The following CDH18 variants were observed in gnomAD, a reference collection of about 807,000 sequenced individuals.
CDH18 encodes cadherin-18.
In CDH18, 31 loss-of-function variants were observed where a neutral mutation model predicts 67.9. The ratio of observed to expected loss-of-function variants is 0.46; its 90% CI spans 0.34 to 0.62. The LOEUF (loss-of-function observed/expected upper bound fraction) is 0.62. CDH18 is among the 20% of genes least tolerant of loss of function. The pLI is 0.01. For synonymous variants in CDH18, 362 were observed against 347.2 expected, an observed-to-expected ratio of 1.04 and a Z score of -0.48; for missense variants, 890 against 975.5, an observed-to-expected ratio of 0.91 and a Z score of 1.17.
chr5:19,917,558 G>A (rs114293956), intron 2 of CDH18, among the ~76,000 whole-genome samples: 2 of 152,148 alleles, frequency 1.3e-5, no homozygotes, highest in South Asian at 4.2e-4. Context: ...CCTGAGATGT[G>A]GAAAGCATTG....
At chr5:20,023,200 A>C (rs2150436941) in intron 2 of CDH18, among the ~76,000 whole-genome samples, 1 of 152,290 alleles carries the variant, frequency 6.6e-6, no homozygotes, top group Non-Finnish European at 1.5e-5. Flanking sequence ...TTCAAGTCAT[A>C]TCTCTGTTTC....
intron 2 of CDH18, among the ~76,000 whole-genome samples, chr5:19,932,995 G>A (rs1429849598): frequency 1.3e-5 from 2 of 151,500 alleles, no homozygotes; most frequent in Non-Finnish European, 3.0e-5. Flanking sequence ...ATTACATACA[G>A]TAATAGGTAA....
At chr5:20,446,652 A>G (rs937470560) in intron 1 of CDH18, among the ~76,000 whole-genome samples, 4 of 152,230 alleles carry the variant, frequency 2.6e-5, no homozygotes, top group Non-Finnish European at 5.9e-5. Flanking sequence ...TAGAAAATAC[A>G]CTAATTCAAA....
chr5:20,451,443 T>C (rs1297002861), intron 1 of CDH18, among the ~76,000 whole-genome samples: 2 of 152,258 alleles, frequency 1.3e-5, no homozygotes, highest in East Asian at 1.9e-4. Flanking sequence ...TAAAATTTAG[T>C]GGCCAAAATT....
At chr5:20,421,999 C>G (rs533029923) in intron 1 of CDH18, among the ~76,000 whole-genome samples, 54 of 150,880 alleles carry the variant, frequency 3.6e-4, no homozygotes, top group Non-Finnish European at 6.2e-4. Flanking sequence ...GGCTCTTTTT[C>G]GTGGACAAGT....
At chr5:20,441,591 A>G (rs1170271768) in intron 1 of CDH18, among the ~76,000 whole-genome samples, 1 of 152,010 alleles carries the variant, frequency 6.6e-6, no homozygotes, top group Non-Finnish European at 1.5e-5. Flanking sequence ...TTCTGAACTC[A>G]TAATCTGTTT....
chr5:20,008,625 A>G (rs1034173457), intron 2 of CDH18, among the ~76,000 whole-genome samples: 97 of 152,176 alleles, frequency 6.4e-4, no homozygotes, highest in Non-Finnish European at 4.4e-5. Flanking sequence ...CATGTTTACA[A>G]TGATTCCCAT....
chr5:19,960,590 TATATATATATATACACACAC>T lies in CDH18; in HGVS notation c.-257+20450_-257+20469del, dbSNP rs1796717987. 3.3e-5 allele frequency among the ~76,000 whole-genome samples: 4 copies of T among 120,206 alleles called. No individual in the cohort carries two copies. The East Asian group carries it at 1.0e-3, about 31-fold the overall frequency. 78.9% of individuals were successfully genotyped at this position (120,206 alleles called of 152,430 possible). On this transcript the variant is annotated intron_variant, in intron 2 of 12. Coordinates refer to ENST00000382275, the MANE Select transcript of CDH18 (RefSeq NM_004934.5). ...GTGTGTGTGTGTGTGTGTGTGTGTG[TATATATATATATACACACAC>T]GTGTATATATATACACGTGTATATG...
At chr5:19,608,416 A>C (rs1374934720) in intron 6 of CDH18, among the ~76,000 whole-genome samples, 1 of 151,670 alleles carries the variant, frequency 6.6e-6, no homozygotes, top group Non-Finnish European at 1.5e-5. Flanking sequence ...TTTTTCTTTT[A>C]ATTTGTTTCA....
chr5:20,330,784 G>A (rs1167341200), intron 1 of CDH18, among the ~76,000 whole-genome samples: 1 of 152,130 alleles, frequency 6.6e-6, no homozygotes, highest in African/African-American at 2.4e-5. Context: ...CAAGTCAAAG[G>A]TCAAGCCAGG....
chr5:19,988,983 A>G (rs958512741), upstream of CDH18, among the ~76,000 whole-genome samples: 1 of 152,166 alleles, frequency 6.6e-6, no homozygotes, highest in Non-Finnish European at 1.5e-5. Flanking sequence ...ACACACACAC[A>G]AACTTCTCAC....
chr5:19,788,271 T>G (rs115669671), intron 3 of CDH18, among the ~76,000 whole-genome samples: 1 of 152,172 alleles, frequency 6.6e-6, no homozygotes, highest in Non-Finnish European at 1.5e-5. Flanking sequence ...TTCAAGATGG[T>G]AATGATGGAG....
At chr5:20,282,960 T>G (rs1746400347) in intron 1 of CDH18, among the ~76,000 whole-genome samples, 1 of 151,708 alleles carries the variant, frequency 6.6e-6, no homozygotes, top group African/African-American at 2.4e-5. Flanking sequence ...CAAAAACAAA[T>G]CCGTACATCT....
chr5:20,040,766 A>C (rs1740346829), intron 2 of CDH18, among the ~76,000 whole-genome samples: 1 of 152,120 alleles, frequency 6.6e-6, no homozygotes, highest in Non-Finnish European at 1.5e-5. Context: ...CTTATCAGAG[A>C]CCAGTTCAAA....
intron 2 of CDH18, among the ~76,000 whole-genome samples, chr5:19,963,903 G>A (rs1797166354): frequency 6.6e-6 from 1 of 151,950 alleles, no homozygotes; most frequent in Admixed American, 6.6e-5. Context: ...AAGAGCAAAG[G>A]GGGAAGAGCC....
At chr5:19,595,153 T>C (rs1390649991) in intron 6 of CDH18, among the ~76,000 whole-genome samples, 2 of 151,998 alleles carry the variant, frequency 1.3e-5, no homozygotes, top group South Asian at 2.1e-4. Flanking sequence ...AAAAATTATT[T>C]GAAAAAGTTA....
At chr5:20,183,465 T>C (rs1737856917) in intron 2 of CDH18, among the ~76,000 whole-genome samples, 1 of 151,972 alleles carries the variant, frequency 6.6e-6, no homozygotes, top group Admixed American at 6.6e-5. Context: ...CATTTTATCT[T>C]AGTCATGGCT....
At chr5:19,614,922 C>G (rs925674251) in intron 5 of CDH18, among the ~76,000 whole-genome samples, 8 of 152,048 alleles carry the variant, frequency 5.3e-5, no homozygotes, top group African/African-American at 1.9e-4. Flanking sequence ...CCTAGGCAGG[C>G]AGATCACGAG....
intron 4 of CDH18, among the ~76,000 whole-genome samples, chr5:19,746,377 T>C (rs181231878): frequency 3.2e-4 from 49 of 152,330 alleles, no homozygotes; most frequent in Admixed American, 2.7e-3. Context: ...AGTTTGCACA[T>C]CTTAAAAATG....
Sources: gnomAD v4.1 joint callset for allele counts (sites outside exome capture counted in the v4.1 genomes callset) on GRCh38, gnomAD v4.1.1 for gene constraint, MANE v1.5 for transcripts, NCBI Gene and HGNC (gene_info 2026-07-23, HGNC 2026-07-21) for gene names.